NBDY: variants seen among roughly 807,000 people sequenced by gnomAD.
The protein encoded by NBDY is negative regulator of P-body association, also known as P-body dissociating protein.
At chrX:56,731,005 ATAGTGCC>A (rs2069454842) in intron 1 of NBDY, among the ~76,000 whole-genome samples, 2 of 111,581 alleles carry the variant, frequency 1.8e-5, no homozygotes, top group African/African-American at 6.5e-5. Context: ...TGGCCAAGGC[ATAGTGCC>A]TAGTACATAA....
At chrX:56,753,580 G>A (rs967078845) in intron 2 of NBDY, among the ~76,000 whole-genome samples, 1 of 111,581 alleles carries the variant, frequency 9.0e-6, no homozygotes, top group Non-Finnish European at 1.9e-5. Flanking sequence ...AGAAAATTTT[G>A]AAGAACACAA....
At chrX:56,782,709 C>T (rs920209210) in intron 2 of NBDY, among the ~76,000 whole-genome samples, 3 of 111,816 alleles carry the variant, frequency 2.7e-5, no homozygotes, top group Non-Finnish European at 3.8e-5. Context: ...CAAGTTGTCC[C>T]GTGTCTCCTT....
chrX:56,804,307 G>A (rs374331999), intron 2 of NBDY, among the ~76,000 whole-genome samples: 1 of 112,009 alleles, frequency 8.9e-6, no homozygotes, highest in African/African-American at 3.2e-5. Flanking sequence ...CCAGGTGTCT[G>A]TCAGGATGAG....
chrX:56,765,833 T>C (rs992480875), intron 2 of NBDY, among the ~76,000 whole-genome samples: 1 of 110,638 alleles, frequency 9.0e-6, no homozygotes, highest in African/African-American at 3.3e-5. Context: ...CTTTTTCTTT[T>C]TTTGCTTTTG....
intron 2 of NBDY, among the ~76,000 whole-genome samples, chrX:56,790,221 C>T (rs1318902817): frequency 1.8e-5 from 2 of 112,642 alleles, no homozygotes; most frequent in African/African-American, 6.5e-5. Context: ...GATGCCTGGG[C>T]AGCAGTATGG....
chrX:56,815,582 T>C (rs1469279833), intron 2 of NBDY, among the ~76,000 whole-genome samples: 1 of 112,104 alleles, frequency 8.9e-6, no homozygotes, highest in African/African-American at 3.2e-5. Context: ...AACTTTTTTA[T>C]TATACCATCT....
intron 2 of NBDY, among the ~76,000 whole-genome samples, chrX:56,799,961 G>GGT (rs1269624348): frequency 9.1e-6 from 1 of 109,599 alleles, no homozygotes; most frequent in Admixed American, 9.7e-5. Context: ...TGCTTTTGCT[G>GGT]TGGATTTGTA....
intron 2 of NBDY, among the ~76,000 whole-genome samples, chrX:56,783,992 T>A (rs921882045): frequency 9.0e-6 from 1 of 111,693 alleles, no homozygotes; most frequent in African/African-American, 3.3e-5. Context: ...TGGGCAGGGG[T>A]CCCAGTGAAC....
chrX:56,761,026 G>A (rs769190340), intron 2 of NBDY, among the ~76,000 whole-genome samples: 11 of 112,048 alleles, frequency 9.8e-5, no homozygotes, highest in African/African-American at 2.3e-4. Flanking sequence ...GGAGACTGGC[G>A]CGTGCCTAGA....
chrX:56,729,706 A>T, intron 1 of NBDY, 117 bp downstream of exon 1: 1 of 287,375 alleles, frequency 3.5e-6, no homozygotes, highest in Non-Finnish European at 6.1e-6. Context: ...AAAAAATAAC[A>T]TGCAGGGATT....
intron 2 of NBDY, among the ~76,000 whole-genome samples, chrX:56,732,563 GTTAA>G (rs902017849): frequency 6.3e-5 from 7 of 111,247 alleles, no homozygotes; most frequent in African/African-American, 2.3e-4. Context: ...TGGATTATCT[GTTAA>G]TTAATTATAT....
intron 2 of NBDY, among the ~76,000 whole-genome samples, chrX:56,792,935 G>A (rs1332863375): frequency 2.7e-5 from 3 of 111,891 alleles, no homozygotes; most frequent in African/African-American, 6.5e-5. Flanking sequence ...TAGGGGCAGA[G>A]AAAGTCCCCT....
chrX:56,791,987 A>G (rs1336034740), intron 2 of NBDY, among the ~76,000 whole-genome samples: 1 of 72,845 alleles, frequency 1.4e-5, no homozygotes, highest in Non-Finnish European at 2.8e-5. Context: ...TTTCTTTTTA[A>G]TTTTTTTTTC....
intron 2 of NBDY, among the ~76,000 whole-genome samples, chrX:56,795,407 G>A (rs4607760): frequency 0.57 from 63,219 of 110,977 alleles, 15,560 homozygotes; most frequent in Non-Finnish European, 0.78. Flanking sequence ...GCCCATGTTG[G>A]GATGCGAAGC....
intron 2 of NBDY, among the ~76,000 whole-genome samples, chrX:56,784,689 C>T (rs2069716490): frequency 1.8e-5 from 2 of 111,318 alleles, no homozygotes; most frequent in South Asian, 7.6e-4. Flanking sequence ...GCAACTGTGC[C>T]TTGGTTTGAT....
At chrX:56,737,592 A>T in intron 2 of NBDY, 2 of 533,655 alleles carry the variant, frequency 3.7e-6, no homozygotes, top group Non-Finnish European at 6.2e-6. Context: ...ACCTGCTTTA[A>T]TTTTTTTTAA....
intron 2 of NBDY, among the ~76,000 whole-genome samples, chrX:56,785,353 C>T (rs1238169510): frequency 3.6e-5 from 4 of 111,017 alleles, no homozygotes; most frequent in African/African-American, 9.9e-5. Context: ...CAGAGGACCT[C>T]GTTTTTAACT....
intron 1 of NBDY, among the ~76,000 whole-genome samples, chrX:56,731,091 T>C (rs2069455372): frequency 9.2e-6 from 1 of 109,077 alleles, no homozygotes; most frequent in Non-Finnish European, 1.9e-5. Context: ...ACCAAAAAAG[T>C]TTTAGACATT....
At chrX:56,767,567 G>A (rs1020851273) in intron 2 of NBDY, among the ~76,000 whole-genome samples, 2 of 113,200 alleles carry the variant, frequency 1.8e-5, no homozygotes, top group Non-Finnish European at 3.8e-5. Flanking sequence ...GCATGAGCTC[G>A]GCGGGCCCCG....
Sources: allele counts gnomAD v4.1 joint callset (sites outside exome capture counted in the v4.1 genomes callset), GRCh38; gene constraint gnomAD v4.1.1; transcripts MANE v1.5; gene names NCBI Gene and HGNC (gene_info 2026-07-23, HGNC 2026-07-21).